The following TMCO6 variants were observed in gnomAD, a reference collection of about 807,000 sequenced individuals.
TMCO6 encodes transmembrane and coiled-coil domains 6, also known as transmembrane and coiled-coil domain-containing protein 6.
TMCO6 carries 47 observed loss-of-function variants against 61.8 expected under a neutral mutation model. The observed-to-expected ratio is 0.76, with a 90% CI of 0.60 to 0.97. The LOEUF (loss-of-function observed/expected upper bound fraction) is 0.97, where lower values mean the gene tolerates loss of function less well. TMCO6 is among the 50% of genes least tolerant of loss of function. The pLI is 0.00. For missense variants in TMCO6, 557 were observed against 601.6 expected, an observed-to-expected ratio of 0.93 and a Z score of 0.78; for synonymous variants, 261 against 254.2, an observed-to-expected ratio of 1.03 and a Z score of -0.25.
the TMCO6 span, among the ~76,000 whole-genome samples, chr5:140,622,644 G>C: frequency 6.6e-6 from 1 of 151,734 alleles, no homozygotes; most frequent in Non-Finnish European, 1.5e-5. Context: ...AGAAAGCGGT[G>C]GAAGGGAACA....
the TMCO6 span, among the ~76,000 whole-genome samples, chr5:140,628,430 GCTTTTCTTTT>G: frequency 6.6e-6 from 1 of 151,742 alleles, no homozygotes; most frequent in African/African-American, 2.4e-5. Flanking sequence ...GCACTTTACG[GCTTTTCTTTT>G]CTTTTCTTTT....
chr5:140,602,704 C>G, the TMCO6 span, among the ~76,000 whole-genome samples: 29 of 151,856 alleles, frequency 1.9e-4, no homozygotes, highest in Non-Finnish European at 3.5e-4. Flanking sequence ...GTGGAGGTTA[C>G]GGTGAGCCAA....
the TMCO6 span, among the ~76,000 whole-genome samples, chr5:140,617,731 CAAA>C: frequency 3.4e-5 from 4 of 119,186 alleles, no homozygotes; most frequent in Admixed American, 8.4e-5. Context: ...GAGTCTCTGT[CAAA>C]AAAAAAAAAA....
At chr5:140,607,001 AT>A in the TMCO6 span, among the ~76,000 whole-genome samples, 43,228 of 145,488 alleles carry the variant, frequency 0.3, 6,453 homozygotes, top group African/African-American at 0.35. Context: ...AAAAAAAAAA[AT>A]AATAATAATA....
At chr5:140,639,905 C>T in intron 2 of TMCO6, 54 bp downstream of exon 2, 1 of 1,488,122 alleles carries the variant, frequency 6.7e-7, no homozygotes, top group Non-Finnish European at 9.2e-7. Flanking sequence ...CGCCAGACTC[C>T]CGGGAGTACT....
chr5:140,647,530 C>T, downstream of TMCO6: 1 of 1,612,502 alleles, frequency 6.2e-7, no homozygotes, highest in Non-Finnish European at 8.5e-7. Flanking sequence ...GGATGCGAAT[C>T]TCACGCAGGC....
chr5:140,644,423 C>T lies in TMCO6; in HGVS notation c.1201-150C>T. ...TCACTTATAACTGAGGATAATCTTG[C>T]ATCATAGGGTAGTTGTAGGAGTATG... On this transcript the variant is annotated intron_variant, in intron 10 of 11. Transcript: ENST00000394671. 4 of 986,060 alleles carry T rather than the reference C, an allele frequency of 4.1e-6. 1 individual carries two copies. Among genetic ancestry groups the T allele is most frequent in the Middle Eastern group, 6.6e-4 (2 of 3,046 alleles). 61.1% of individuals were successfully genotyped at this position (986,060 alleles called of 1,614,324 possible). A position where few individuals can be genotyped will look rare whatever the true frequency, so the allele number is the denominator to read the frequency against.
chr5:140,639,332 T>C (rs1250307908), upstream of TMCO6: 2 of 599,712 alleles, frequency 3.3e-6, no homozygotes, highest in Non-Finnish European at 5.9e-6. Flanking sequence ...GCAGCGTCTC[T>C]AGCCCTCGCC....
At chr5:140,601,239 C>G in the TMCO6 span, among the ~76,000 whole-genome samples, 30,460 of 152,104 alleles carry the variant, frequency 0.2, 3,462 homozygotes, top group East Asian at 0.29. Flanking sequence ...TGTCCCTTTT[C>G]CACCCTGACA....
At chr5:140,647,607 A>G (rs1239860973), downstream of TMCO6, 4 of 1,605,802 alleles carry the variant, frequency 2.5e-6, no homozygotes, top group South Asian at 2.2e-5. Flanking sequence ...GAAGTCGCCA[A>G]TTCCAGGTCT....
At chr5:140,632,267 G>C in the TMCO6 span, 2 of 1,613,696 alleles carry the variant, frequency 1.2e-6, no homozygotes, top group Middle Eastern at 1.6e-4. This position sits in a 1 kb window ranked among gnomAD's most constrained non-coding sequence, Gnocchi z 6.2. Context: ...CGGCGCACAC[G>C]CCTGTGGGCG....
the TMCO6 span, chr5:140,632,615 G>A: frequency 6.2e-7 from 1 of 1,613,894 alleles, no homozygotes; most frequent in East Asian, 2.2e-5. This position sits in a 1 kb window ranked among gnomAD's most constrained non-coding sequence, Gnocchi z 6.2. Context: ...TTAGGTCCTC[G>A]AGCGTCAGTT....
At chr5:140,614,101 G>A in the TMCO6 span, among the ~76,000 whole-genome samples, 928 of 152,114 alleles carry the variant, frequency 6.1e-3, 9 homozygotes, top group Middle Eastern at 0.014. Flanking sequence ...GGGTTTCACC[G>A]TTTTAGCCAG....
the TMCO6 span, among the ~76,000 whole-genome samples, chr5:140,607,937 T>A: frequency 6.6e-6 from 1 of 151,816 alleles, no homozygotes; most frequent in Non-Finnish European, 1.5e-5. Flanking sequence ...TTACAGGCAC[T>A]CACCACCAGG....
chr5:140,647,689 C>G (rs1757491419), downstream of TMCO6: 2 of 1,445,406 alleles, frequency 1.4e-6, no homozygotes, highest in African/African-American at 2.9e-5. Context: ...GAGGCAGGGG[C>G]GGGGTAAAGC....
the TMCO6 span, chr5:140,631,706 G>T: frequency 1.4e-6 from 1 of 725,046 alleles, no homozygotes; most frequent in Non-Finnish European, 2.3e-6. Flanking sequence ...ATCCAATAAA[G>T]GTCTGTTAAA....
Position 140,642,437 on chromosome 5 carries a change from C to T in TMCO6, c.603+18C>T. 1 of 1,609,282 alleles carries T rather than the reference C, an allele frequency of 6.2e-7. No homozygotes were observed. Among genetic ancestry groups the T allele is most frequent in the Non-Finnish European group, 8.5e-7 (1 of 1,177,050 alleles). ...GCATCCAGGTGACTCCTTTCTTCCT[C>T]CCTGGGCAACCCTTCCTTTGCTCCT... is the stretch of plus-strand genomic sequence containing the variant. On this transcript the variant is annotated intron_variant, in intron 5 of 11. Transcript: ENST00000394671.
rs115411958 is a variant in TMCO6 at position 140,643,072 on chromosome 5, T to C, written c.806+31T>C. ...AGGGCAATTGGGAAAGTACCACAGATCTTCCCTGGGGCTCCCTTCCATGAC... is the reference window on the plus strand; with the variant it reads ...AGGGCAATTGGGAAAGTACCACAGACCTTCCCTGGGGCTCCCTTCCATGAC... On this transcript the variant is annotated intron_variant, in intron 7 of 11. Coordinates refer to ENST00000394671, the MANE Select transcript of TMCO6 (RefSeq NM_018502.5). 1.1e-3 allele frequency: 1,852 copies of C among 1,613,974 alleles called. 16 individuals are homozygous for C. In the African/African-American group the frequency reaches 0.019, roughly 16 times the overall value.
the TMCO6 span, among the ~76,000 whole-genome samples, chr5:140,617,549 C>T: frequency 3.3e-5 from 5 of 150,842 alleles, no homozygotes; most frequent in Admixed American, 6.6e-5. Context: ...GGCTTTGTCT[C>T]AAAAAAACAA....
Sources: allele counts gnomAD v4.1 joint callset (sites outside exome capture counted in the v4.1 genomes callset), GRCh38; gene constraint gnomAD v4.1.1; non-coding constraint Gnocchi (gnomAD v3.1); transcripts MANE v1.5; gene names NCBI Gene and HGNC (gene_info 2026-07-23, HGNC 2026-07-21).